The following CPM variants were observed in gnomAD, a reference collection of about 807,000 sequenced individuals.
The protein encoded by CPM is carboxypeptidase M, also known as renal carboxypeptidase.
Under a neutral mutation model 46.4 loss-of-function variants are expected in CPM, and 35 were observed. That is an observed-to-expected ratio of 0.75 (90% confidence interval 0.58 to 1.00). The LOEUF (loss-of-function observed/expected upper bound fraction) is 1.00. Ranked by LOEUF, CPM falls within the 50% of genes least tolerant of loss-of-function variation. The pLI, the probability that CPM is intolerant of heterozygous loss-of-function variation, is 0.00. For synonymous variants in CPM, 195 were observed against 195.3 expected (o/e 1.00, Z 0.01); for missense variants, 422 against 530.4 (o/e 0.80, Z 2.01).
intron 3 of CPM, among the ~76,000 whole-genome samples, chr12:68,877,912 T>G (rs1427086211): frequency 6.6e-6 from 1 of 152,236 alleles, no homozygotes; most frequent in Admixed American, 6.5e-5. Flanking sequence ...CATTTAGACA[T>G]GCAAACTACA....
At chr12:68,866,302 T>C (rs1267495851) in intron 7 of CPM, among the ~76,000 whole-genome samples, 1 of 152,168 alleles carries the variant, frequency 6.6e-6, no homozygotes, top group Non-Finnish European at 1.5e-5. Context: ...TCATTCAACA[T>C]GTAAAATTAG....
At chr12:68,867,340 T>C (rs1885499723) in intron 6 of CPM, among the ~76,000 whole-genome samples, 1 of 152,238 alleles carries the variant, frequency 6.6e-6, no homozygotes, top group African/African-American at 2.4e-5. Context: ...TTTGAAATCC[T>C]ACATTACAAA....
intron 2 of CPM, among the ~76,000 whole-genome samples, chr12:68,901,681 A>C (rs1402273111): frequency 3.0e-4 from 46 of 152,246 alleles, no homozygotes; most frequent in Non-Finnish European, 1.3e-4. Context: ...ATAAGCAGTC[A>C]GTAAAGTTTG....
intron 2 of CPM, among the ~76,000 whole-genome samples, chr12:68,891,736 G>A (rs1414763482): frequency 1.3e-5 from 2 of 151,964 alleles, no homozygotes; most frequent in Non-Finnish European, 2.9e-5. Flanking sequence ...TGTTTTTTTG[G>A]GTTTTTTTTT....
At chr12:68,845,573 C>A (rs919420038) in intron 5 of CPM, 1 of 182,762 alleles carries the variant, frequency 5.5e-6, no homozygotes, top group Admixed American at 6.3e-5. Context: ...CTGAAACATA[C>A]TTGAATTCGT....
At chr12:68,910,825 T>C (rs919563892) in intron 2 of CPM, among the ~76,000 whole-genome samples, 2 of 152,162 alleles carry the variant, frequency 1.3e-5, no homozygotes, top group South Asian at 2.1e-4. Context: ...TTCTATAAGA[T>C]AGAAAGCTCT....
At chr12:68,921,055 T>TC (rs139841113) in intron 2 of CPM, among the ~76,000 whole-genome samples, 10,493 of 151,840 alleles carry the variant, frequency 0.069, 764 homozygotes, top group African/African-American at 0.18. Context: ...CCTCCCACCT[T>TC]TTTTCTTTGT....
At chr12:68,882,515 G>A (rs572093668) in intron 3 of CPM, among the ~76,000 whole-genome samples, 32 of 152,226 alleles carry the variant, frequency 2.1e-4, no homozygotes, top group African/African-American at 6.3e-4. Context: ...TGTGAATAGC[G>A]CTGCAATGAA....
At chr12:68,902,547 G>A (rs1402593180) in intron 2 of CPM, among the ~76,000 whole-genome samples, 1 of 152,200 alleles carries the variant, frequency 6.6e-6, no homozygotes, top group Non-Finnish European at 1.5e-5. Context: ...TAGGATAGCA[G>A]AGGGGTGGCA....
In CPM at chr12:68,852,782, G is replaced by C. The variant is rs899910994; in HGVS notation, c.*3655C>G. ...TCACCGTGTTGGCCAGGCTGGTCTC[G>C]AGCTCCTGACCTCAAGTGATCCGCC... On this transcript the variant is annotated 3_prime_UTR_variant, in exon 9 of 9. Transcript: ENST00000551568. The C allele has an allele frequency of 6.6e-6, 1 of 151,834 alleles. No individual in the cohort carries two copies. Among genetic ancestry groups the C allele is most frequent in the Admixed American group, 6.6e-5 (1 of 15,214 alleles). 9.4% of individuals were successfully genotyped at this position (151,834 alleles called of 1,614,324 possible). A position where few individuals can be genotyped will look rare whatever the true frequency, so the allele number is the denominator to read the frequency against.
intron 2 of CPM, among the ~76,000 whole-genome samples, chr12:68,931,068 C>T (rs1474532628): frequency 6.6e-6 from 1 of 152,088 alleles, no homozygotes; most frequent in Non-Finnish European, 1.5e-5. Flanking sequence ...TCTCACACAC[C>T]CAACCTCTAT....
intron 3 of CPM, among the ~76,000 whole-genome samples, chr12:68,883,385 A>G (rs1663588): frequency 0.86 from 130,459 of 152,164 alleles, 56,079 homozygotes; most frequent in Non-Finnish European, 0.87. Context: ...CATGGGGAGG[A>G]CAGAATAGAT....
At chr12:68,886,320 A>C (rs1233776330) in intron 2 of CPM, among the ~76,000 whole-genome samples, 2 of 84,534 alleles carry the variant, frequency 2.4e-5, no homozygotes, top group African/African-American at 6.4e-5. Flanking sequence ...CAAGGAAAGA[A>C]AAAAAAACAA....
At chr12:68,889,720 G>A (rs149720456) in intron 2 of CPM, among the ~76,000 whole-genome samples, 50 of 152,076 alleles carry the variant, frequency 3.3e-4, no homozygotes, top group African/African-American at 1.1e-3. Context: ...TCCTAGCTAC[G>A]CGGTATAAGA....
At chr12:68,929,283 A>C (rs1379969213) in intron 2 of CPM, among the ~76,000 whole-genome samples, 1 of 152,202 alleles carries the variant, frequency 6.6e-6, no homozygotes, top group African/African-American at 2.4e-5. Flanking sequence ...TTTGCTTCCC[A>C]TGCCTTTTGC....
intron 6 of CPM, among the ~76,000 whole-genome samples, chr12:68,867,762 C>T (rs1228154845): frequency 6.6e-6 from 1 of 152,168 alleles, no homozygotes; most frequent in South Asian, 2.1e-4. Context: ...ACGGCCCGGC[C>T]CCCTGTGGAG....
At chr12:68,923,630 C>T (rs1211108114) in intron 2 of CPM, among the ~76,000 whole-genome samples, 1 of 152,154 alleles carries the variant, frequency 6.6e-6, no homozygotes, top group African/African-American at 2.4e-5. Flanking sequence ...AGTGTTCAAA[C>T]TATATAAAGC....
rs1291961968 is a variant in CPM at position 68,851,956 on chromosome 12, A to T, written c.*4481T>A. The T allele has an allele frequency of 2.6e-5, 4 of 152,232 alleles. No individual in the cohort carries two copies. The highest frequency in any genetic ancestry group is 9.6e-5 in the African/African-American group (4 of 41,464). 9.4% of individuals were successfully genotyped at this position (152,232 alleles called of 1,614,324 possible). Reference sequence around the variant, plus strand: ...TATAGAATAACAACCAGACTTCTCAATAAGCAACTTATCTATTGCAGTAAG... The same window carrying T: ...TATAGAATAACAACCAGACTTCTCATTAAGCAACTTATCTATTGCAGTAAG... On this transcript the variant is annotated 3_prime_UTR_variant, in exon 9 of 9. Coordinates refer to ENST00000551568, the MANE Select transcript of CPM (RefSeq NM_198320.5).
chr12:68,884,217 C>T (rs905535208), intron 3 of CPM, among the ~76,000 whole-genome samples: 1 of 150,706 alleles, frequency 6.6e-6, no homozygotes, highest in Non-Finnish European at 1.5e-5. Flanking sequence ...CTGTCTATAA[C>T]GAACAGTTGT....
Sources: allele counts gnomAD v4.1 joint callset (sites outside exome capture counted in the v4.1 genomes callset), GRCh38; gene constraint gnomAD v4.1.1; transcripts MANE v1.5; gene names NCBI Gene and HGNC (gene_info 2026-07-23, HGNC 2026-07-21).